The following AIG1 variants were observed in gnomAD, a reference collection of about 807,000 sequenced individuals.
AIG1 encodes the protein androgen-induced gene 1 protein.
AIG1 carries 23 observed loss-of-function variants against 31.4 expected under a neutral mutation model. The ratio of observed to expected loss-of-function variants is 0.73; its 90% CI spans 0.53 to 1.04. The LOEUF is 1.04. Ranked by LOEUF, AIG1 falls within the 50% of genes least tolerant of loss-of-function variation. AIG1 has a pLI of 0.00. For synonymous variants in AIG1, 100 were observed against 110.5 expected (o/e 0.90, Z 0.60); for missense variants, 274 against 295.0 (o/e 0.93, Z 0.52).
At chr6:143,274,244 T>C (rs1486737587) in intron 3 of AIG1, among the ~76,000 whole-genome samples, 1 of 152,152 alleles carries the variant, frequency 6.6e-6, no homozygotes, top group Non-Finnish European at 1.5e-5. Flanking sequence ...TGGTGCTCCA[T>C]AGGCAGCAGA....
At position 143,219,400 on chromosome 6, in the gene AIG1, G is replaced by T. The variant is rs185819590; in HGVS notation, c.399+54217G>T. 8.5e-5 allele frequency among the ~76,000 whole-genome samples: 13 copies of T among 152,238 alleles called. No individual in the cohort carries two copies. In the East Asian group the frequency reaches 2.3e-3, roughly 27 times the overall value. On this transcript the variant is annotated intron_variant, in intron 3 of 5. Transcript: ENST00000357847. ...TGGGAGGATCACTTGAGCCTAAGAG[G>T]TCGAGGCTGCCGTGATCTATGATTG...
Position 143,320,820 on chromosome 6 carries a change from A to ATT in AIG1, c.516-12445_516-12444dup, listed in dbSNP as rs35582590. Among the ~76,000 whole-genome samples the ATT allele has an allele frequency of 5.0e-3, 674 of 134,438 alleles. 7 individuals carry two copies. The highest frequency in any genetic ancestry group is 0.017 in the African/African-American group (642 of 36,736). The allele number at this position is 134,438 out of a possible 152,430, so 88.2% of individuals were successfully genotyped here. On this transcript the variant is annotated intron_variant, in intron 4 of 5. Transcript: ENST00000357847. ...TACTTAAAACTTGTTAAGCGAGTAG[A>ATT]TTTTTTTTTTTTTTTTTTGAGAAGG...
At chr6:143,128,589 T>G (rs1460494033) in intron 1 of AIG1, among the ~76,000 whole-genome samples, 3 of 152,230 alleles carry the variant, frequency 2.0e-5, no homozygotes, top group Admixed American at 2.0e-4. Context: ...CTCTGCAGAA[T>G]GGCTGGAGTC....
intron 2 of AIG1, among the ~76,000 whole-genome samples, chr6:143,139,393 C>T (rs985666880): frequency 6.6e-6 from 1 of 151,872 alleles, no homozygotes; most frequent in East Asian, 1.9e-4. Context: ...AGCCAGTCCT[C>T]ATCACTGCGC....
Position 143,187,744 on chromosome 6 carries a change from C to G in AIG1, c.399+22561C>G, listed in dbSNP as rs568272582. ...CAATGACTAAAGGATTGACCTGGTGCCATGCATGCTGCTCTGCACAAGAAG... is the reference window on the plus strand; with the variant it reads ...CAATGACTAAAGGATTGACCTGGTGGCATGCATGCTGCTCTGCACAAGAAG... On this transcript the variant is annotated intron_variant, in intron 3 of 5. Transcript: ENST00000357847. 1.2e-3 allele frequency: 1,778 copies of G among 1,535,146 alleles called. 3 individuals are homozygous for G. Among genetic ancestry groups the G allele is most frequent in the Admixed American group, 1.6e-3 (84 of 50,944 alleles).
At chr6:143,095,222 C>T (rs527971199) in intron 1 of AIG1, among the ~76,000 whole-genome samples, 10 of 151,988 alleles carry the variant, frequency 6.6e-5, no homozygotes, top group Admixed American at 5.9e-4. Context: ...GAGAATGGAA[C>T]TTCAGTAACA....
chr6:143,092,793 T>C (rs899972789), intron 1 of AIG1, among the ~76,000 whole-genome samples: 5 of 152,182 alleles, frequency 3.3e-5, no homozygotes, highest in African/African-American at 1.2e-4. Context: ...CTTGTGGCTG[T>C]AATCCCAGCG....
chr6:143,255,007 C>T (rs1300123907), intron 3 of AIG1, among the ~76,000 whole-genome samples: 1 of 152,118 alleles, frequency 6.6e-6, no homozygotes, highest in Non-Finnish European at 1.5e-5. Context: ...CTGCTGCACT[C>T]CAGCCTGAGT....
intron 3 of AIG1, chr6:143,186,626 C>T (rs145714564): frequency 3.3e-5 from 5 of 152,336 alleles, no homozygotes; most frequent in East Asian, 1.9e-4. Context: ...TCACTACGCA[C>T]GTACTAATAT....
chr6:143,240,122 A>G (rs1794133270), intron 3 of AIG1, among the ~76,000 whole-genome samples: 1 of 152,186 alleles, frequency 6.6e-6, no homozygotes, highest in South Asian at 2.1e-4. Flanking sequence ...CTGGGTTTAA[A>G]TCTCAGCTGC....
At chr6:143,267,909 G>A (rs972535065) in intron 3 of AIG1, among the ~76,000 whole-genome samples, 2 of 152,102 alleles carry the variant, frequency 1.3e-5, no homozygotes, top group African/African-American at 4.8e-5. Flanking sequence ...AACCAAAGTA[G>A]GTACGAGGAA....
chr6:143,098,117 A>G (rs952375670), intron 1 of AIG1, among the ~76,000 whole-genome samples: 2 of 152,092 alleles, frequency 1.3e-5, no homozygotes, highest in Admixed American at 6.5e-5. Flanking sequence ...GTGTCACTCT[A>G]TTTTTCTGGT....
At chr6:143,115,663 T>A (rs560175397) in intron 1 of AIG1, among the ~76,000 whole-genome samples, 1 of 152,342 alleles carries the variant, frequency 6.6e-6, no homozygotes, top group South Asian at 2.1e-4. Context: ...ATAGGACTTT[T>A]GTGGCAGTTA....
chr6:143,289,688 T>C (rs1388241446), intron 4 of AIG1, among the ~76,000 whole-genome samples: 3 of 152,198 alleles, frequency 2.0e-5, no homozygotes, highest in African/African-American at 7.2e-5. Flanking sequence ...AATGGTTTTG[T>C]ACCTCAAGTT....
chr6:143,195,222 GA>G (rs1790125921), intron 3 of AIG1, among the ~76,000 whole-genome samples: 1 of 152,168 alleles, frequency 6.6e-6, no homozygotes, highest in African/African-American at 2.4e-5. Flanking sequence ...TGAGTCTAGG[GA>G]ACTTGGAATA....
At position 143,291,250 on chromosome 6, in the gene AIG1, T is replaced by C. The variant is rs555239803; in HGVS notation, c.515+7025T>C. ...AGTTTCTTGTAGATCTGGTTTGACA[T>C]AGAGGAAGGTTGCTGGAGTTGAGCT... On this transcript the variant is annotated intron_variant, in intron 4 of 5. Transcript: ENST00000357847. This position sits in a 1 kb window ranked among gnomAD's most constrained non-coding sequence, Gnocchi z 4.2. Among the ~76,000 whole-genome samples the C allele has an allele frequency of 5.6e-4, 85 of 151,978 alleles. No individual in the cohort carries two copies. Among genetic ancestry groups the C allele is most frequent in the African/African-American group, 2.1e-3 (85 of 41,420 alleles).
rs914960721 is a variant in AIG1 at position 143,298,819 on chromosome 6, A to C, written c.515+14594A>C. ...ATCAGACTCTTGCTTGCTATTCCAC[A>C]TCTGCTGGAAGGTCAAGACAGTCGC... On this transcript the variant is annotated intron_variant, in intron 4 of 5. Transcript: ENST00000357847. The surrounding 1 kb of genome is among the most constrained non-coding windows in gnomAD (Gnocchi z 5.1). The C allele has an allele frequency of 6.6e-6, 1 of 152,314 alleles. No individual in the cohort carries two copies. The highest frequency in any genetic ancestry group is 1.9e-4 in the East Asian group (1 of 5,190). 9.4% of individuals were successfully genotyped at this position (152,314 alleles called of 1,614,324 possible).
At position 143,333,937 on chromosome 6, in the gene AIG1, C is replaced by T. The variant is rs146992561; in HGVS notation, c.679+492C>T. The T allele has an allele frequency of 1.4e-4, 111 of 821,270 alleles. No homozygotes were observed. The highest frequency in any genetic ancestry group is 1.2e-3 in the East Asian group (45 of 37,434). 50.9% of individuals were successfully genotyped at this position (821,270 alleles called of 1,614,324 possible). ...TCTATCTAAGCAGTGTGTGATGCTC[C>T]GGCCACCTTGACTCACCAGTGGCTG... On this transcript the variant is annotated intron_variant, in intron 5 of 5. Coordinates refer to ENST00000357847, the MANE Select transcript of AIG1 (RefSeq NM_016108.4). The surrounding 1 kb of genome is among the most constrained non-coding windows in gnomAD (Gnocchi z 4.6).
chr6:143,236,653 G>A (rs1210750177), intron 3 of AIG1, among the ~76,000 whole-genome samples: 1 of 152,170 alleles, frequency 6.6e-6, no homozygotes, highest in Non-Finnish European at 1.5e-5. Flanking sequence ...AGCAACAGTA[G>A]GCTCCAGTCC....
Sources: allele counts gnomAD v4.1 joint callset (sites outside exome capture counted in the v4.1 genomes callset), GRCh38; gene constraint gnomAD v4.1.1; non-coding constraint Gnocchi (gnomAD v3.1); transcripts MANE v1.5; gene names NCBI Gene and HGNC (gene_info 2026-07-23, HGNC 2026-07-21).